Variants in RIPOR3 observed in about 807,000 individuals in gnomAD.
RIPOR3 encodes the protein family with sequence similarity 65 member C.
A neutral mutation model predicts 114.3 loss-of-function variants in RIPOR3; 95 were observed. That is an observed-to-expected ratio of 0.83 (90% confidence interval 0.70 to 0.99). RIPOR3 has a LOEUF of 0.99. Among genes scored for constraint, RIPOR3 ranks in the 50% least tolerant of loss-of-function variants. RIPOR3 has a pLI of 0.00. For missense variants in RIPOR3, 1,252 were observed against 1,266.9 expected (o/e 0.99, Z 0.18); for synonymous variants, 575 against 543.8 (o/e 1.06, Z -0.80).
rs1350354163 is a variant in RIPOR3, at chr20:50,602,356, T to C, written c.1375A>G (p.Met459Val). 6.2e-7 allele frequency: 1 copy of C among 1,613,694 alleles called. No homozygotes were observed. The highest frequency in any genetic ancestry group is 2.2e-5 in the East Asian group (1 of 44,864). Reference sequence around the variant, plus strand: ...AACGGGCCTCCAGAGAGGTGGGCCATCTCTGGCAGGAGACCTGGGGGCAGG... The same window carrying C: ...AACGGGCCTCCAGAGAGGTGGGCCACCTCTGGCAGGAGACCTGGGGGCAGG... Reference protein sequence around the residue: ...DPLPPGLLPEMAHLSGGPFAE... With the variant: ...DPLPPGLLPEVAHLSGGPFAE... The change falls in exon 13 of 22, where the codon ATG becomes GTG. Residue 459 changes from methionine to valine, a missense_variant. Met to Val is a conservative substitution (Grantham distance 21, BLOSUM62 1). Coordinates refer to ENST00000327979, the MANE Select transcript of RIPOR3 (RefSeq NM_001290268.2). This position sits in a 1 kb window ranked among gnomAD's most constrained non-coding sequence, Gnocchi z 4.3.
intron 20 of RIPOR3, 84 bp from the exon 21 acceptor site, chr20:50,587,976 G>A: frequency 2.4e-6 from 3 of 1,250,464 alleles, no homozygotes; most frequent in Non-Finnish European, 3.4e-6. Flanking sequence ...TGCAGGGCCA[G>A]TCCTAGCATG....
chr20:50,592,529 G>A lies in RIPOR3; in HGVS notation c.2392C>T (p.Leu798Phe), dbSNP rs2083145072. 1.3e-6 allele frequency: 2 copies of A among 1,569,288 alleles called. No homozygotes were observed. Among genetic ancestry groups the A allele is most frequent in the East Asian group, 4.6e-5 (2 of 43,366 alleles). The change falls in exon 19 of 22, where the codon CTT becomes TTT. Residue 798 changes from leucine to phenylalanine, a missense_variant. Coordinates refer to ENST00000327979, the MANE Select transcript of RIPOR3 (RefSeq NM_001290268.2). The part of the protein sequence containing the change: ...LTKEVTLIEE[L>F]HCAGQAKVVR... ...ACCTTGGCCTGTCCCGCACAGTGAA[G>A]CTCCTCGATGAGTGTCACTAGAAGA...
At chr20:50,646,081 A>G (rs1381420216) in intron 1 of RIPOR3, among the ~76,000 whole-genome samples, 1 of 152,038 alleles carries the variant, frequency 6.6e-6, no homozygotes, top group East Asian at 1.9e-4. Flanking sequence ...TTTTTTTCAC[A>G]TCTTCTTTGT....
intron 1 of RIPOR3, chr20:50,662,322 G>T: frequency 6.6e-6 from 1 of 152,438 alleles, no homozygotes; most frequent in Non-Finnish European, 1.5e-5. Context: ...TGGGCACTAA[G>T]GGCCAGGCAA....
chr20:50,664,385 G>A lies in RIPOR3; in HGVS notation c.3+26741C>T, dbSNP rs78160579. On this transcript the variant is annotated intron_variant, in intron 1 of 21. Coordinates refer to ENST00000327979, the MANE Select transcript of RIPOR3 (RefSeq NM_001290268.2). ...CGCCTGTCTGCTCTCCATGCTGTGC[G>A]CCACTCCTGAGAGCTGGGTCAGCAG... Among the ~76,000 whole-genome samples, 26 of 152,302 alleles carry A rather than the reference G, an allele frequency of 1.7e-4. No homozygotes were observed. The East Asian group carries it at 4.6e-3, about 27-fold the overall frequency.
At chr20:50,591,376 A>G (rs1233859440) in intron 19 of RIPOR3, among the ~76,000 whole-genome samples, 1 of 152,200 alleles carries the variant, frequency 6.6e-6, no homozygotes, top group East Asian at 1.9e-4. Flanking sequence ...AGGTTGCTTC[A>G]AAGTGATACA....
chr20:50,672,820 C>T (rs1483763855), intron 1 of RIPOR3, among the ~76,000 whole-genome samples: 1 of 152,202 alleles, frequency 6.6e-6, no homozygotes, highest in Non-Finnish European at 1.5e-5. Flanking sequence ...CATAGAGGCG[C>T]ACACCTGTCC....
intron 17 of RIPOR3, among the ~76,000 whole-genome samples, chr20:50,593,608 G>T (rs1448710750): frequency 3.3e-5 from 5 of 152,100 alleles, no homozygotes; most frequent in African/African-American, 1.2e-4. Context: ...ACGAGGGCAG[G>T]TGTCCCTCAC....
At chr20:50,670,158 CAAA>C (rs34360499) in intron 1 of RIPOR3, among the ~76,000 whole-genome samples, 4 of 49,238 alleles carry the variant, frequency 8.1e-5, no homozygotes, top group African/African-American at 1.5e-4. Context: ...AACTCCATCT[CAAA>C]AAAAAAAAAA....
At chr20:50,671,428 GCACACACA>G (rs1160861232) in intron 1 of RIPOR3, among the ~76,000 whole-genome samples, 2,101 of 38,146 alleles carry the variant, frequency 0.055, 28 homozygotes, top group South Asian at 0.11. Flanking sequence ...ACGCGCGCGC[GCACACACA>G]CACACACACA....
intron 1 of RIPOR3, among the ~76,000 whole-genome samples, chr20:50,681,237 AAAAAAGAAAAG>A (rs1337144211): frequency 2.6e-5 from 3 of 114,706 alleles, no homozygotes; most frequent in Non-Finnish European, 3.7e-5. Context: ...AAAAAAAAAA[AAAAAAGAAAAG>A]AAAAGAAAAG....
chr20:50,685,250 G>T (rs1203751338), intron 1 of RIPOR3, among the ~76,000 whole-genome samples: 4 of 143,202 alleles, frequency 2.8e-5, no homozygotes, highest in Non-Finnish European at 6.0e-5. Context: ...TTGAGATGGA[G>T]TCTTGCTCTA....
intron 14 of RIPOR3, chr20:50,597,297 A>C (rs2083327647): frequency 2.5e-6 from 1 of 401,040 alleles, no homozygotes; most frequent in South Asian, 3.2e-5. Context: ...CTTGGTGATT[A>C]TTTTTAAGGT....
At position 50,606,181 on chromosome 20, in the gene RIPOR3, G is replaced by A. The variant is rs183482768; in HGVS notation, c.957-1407C>T. ...AGATTGCGCCATTGCACTCCAGCCT[G>A]GGCGACAGAGCGAGACTCTGTCTCA... is the stretch of plus-strand genomic sequence containing the variant. On this transcript the variant is annotated intron_variant, in intron 11 of 21. Transcript: ENST00000327979. 5.5e-3 allele frequency among the ~76,000 whole-genome samples: 836 copies of A among 152,292 alleles called. 11 individuals are homozygous for A. Among genetic ancestry groups the A allele is most frequent in the African/African-American group, 0.018 (757 of 41,566 alleles).
rs754502193 is a variant in RIPOR3, at chr20:50,597,622, G to A, written c.1748C>T (p.Ala583Val). 2.6e-5 allele frequency: 42 copies of A among 1,611,550 alleles called. No homozygotes were observed. The highest frequency in any genetic ancestry group is 3.6e-5 in the Non-Finnish European group (42 of 1,178,922). Reference sequence around the variant, plus strand: ...CCCAAACAGGGACAGCTCATCCAGGGCGAAGTCGGCATTGAGGAAGGCGAA... The same window carrying A: ...CCCAAACAGGGACAGCTCATCCAGGACGAAGTCGGCATTGAGGAAGGCGAA... ...ESFAFLNADF[A>V]LDELSLFGGS... is the part of the protein sequence containing the mutation. Residue 583 changes from alanine (A) to valine (V), a missense_variant, in exon 14 of 22, where the codon GCC becomes GTC. Transcript: ENST00000327979.
intron 1 of RIPOR3, among the ~76,000 whole-genome samples, chr20:50,656,666 A>G (rs2085823031): frequency 6.6e-6 from 1 of 151,856 alleles, no homozygotes; most frequent in South Asian, 2.1e-4. Flanking sequence ...TGCCCGGCTA[A>G]TTTTTGTACT....
At chr20:50,613,467 G>A (rs1285906418) in intron 4 of RIPOR3, among the ~76,000 whole-genome samples, 1 of 150,506 alleles carries the variant, frequency 6.6e-6, no homozygotes, top group Non-Finnish European at 1.5e-5. Flanking sequence ...AAAAAGAAAA[G>A]AAAAGAAAAG....
chr20:50,635,944 A>C (rs1568902530), intron 1 of RIPOR3, among the ~76,000 whole-genome samples: 1 of 152,226 alleles, frequency 6.6e-6, no homozygotes, highest in Non-Finnish European at 1.5e-5. Flanking sequence ...CCAAGCTAGA[A>C]AGATAGCCCT....
chr20:50,596,005 G>T, intron 15 of RIPOR3, 135 bp downstream of exon 15: 1 of 1,284,750 alleles, frequency 7.8e-7, no homozygotes, highest in Non-Finnish European at 1.1e-6. Context: ...CTGGGGAATA[G>T]CTTCAGTCTC....
Sources: gnomAD v4.1 joint callset for allele counts (sites outside exome capture counted in the v4.1 genomes callset) on GRCh38, gnomAD v4.1.1 for gene constraint, Gnocchi (gnomAD v3.1) non-coding constraint, MANE v1.5 for transcripts, NCBI Gene and HGNC (gene_info 2026-07-23, HGNC 2026-07-21) for gene names.